GPR89B: variants seen among roughly 807,000 people sequenced by gnomAD.
GPR89B encodes the protein G protein-coupled receptor 89B.
A neutral mutation model predicts 52.4 loss-of-function variants in GPR89B; 25 were observed. That is an observed-to-expected ratio of 0.48 (90% CI 0.35 to 0.67). The LOEUF is 0.67. Among genes scored for constraint, GPR89B ranks in the 30% least tolerant of loss-of-function variants. The pLI, the probability that GPR89B is intolerant of heterozygous loss-of-function variation, is 0.01. For missense variants in GPR89B, 146 were observed against 450.2 expected (o/e 0.32, Z 6.11); for synonymous variants, 52 against 151.2 (o/e 0.34, Z 4.81).
the GPR89B span, among the ~76,000 whole-genome samples, chr1:148,018,404 G>T: frequency 7.1e-6 from 1 of 140,138 alleles, no homozygotes; most frequent in Non-Finnish European, 1.5e-5. Context: ...GGGCAACAAA[G>T]TGAGACTCCG....
chr1:147,974,971 G>A (rs1384576026), intron 10 of GPR89B, among the ~76,000 whole-genome samples: 2 of 151,900 alleles, frequency 1.3e-5, no homozygotes, highest in African/African-American at 4.9e-5. Context: ...GATGGATTAC[G>A]TTTATTGATT....
At chr1:147,928,706 G>A in intron 1 of GPR89B, 128 bp downstream of exon 1, 1 of 1,365,910 alleles carries the variant, frequency 7.3e-7, no homozygotes, top group Admixed American at 1.8e-5. Context: ...CAGTCACTCT[G>A]GCACACAGAG....
chr1:147,934,911 A>C (rs1653951504), intron 1 of GPR89B, among the ~76,000 whole-genome samples: 1 of 152,024 alleles, frequency 6.6e-6, no homozygotes, highest in African/African-American at 2.4e-5. Context: ...TTTTATGTAG[A>C]CCACTTAGCC....
At chr1:147,979,205 T>C (rs1168542822) in intron 10 of GPR89B, among the ~76,000 whole-genome samples, 1 of 152,016 alleles carries the variant, frequency 6.6e-6, no homozygotes, top group Non-Finnish European at 1.5e-5. Flanking sequence ...TGAGAGAACC[T>C]GGTTACCTCA....
chr1:148,005,656 G>T, the GPR89B span: 1 of 952,552 alleles, frequency 1.0e-6, no homozygotes, highest in South Asian at 1.6e-5. Flanking sequence ...CTAAGAACAT[G>T]TCAACCTTAA....
At chr1:147,971,030 A>G (rs1475176648) in intron 10 of GPR89B, among the ~76,000 whole-genome samples, 10 of 151,678 alleles carry the variant, frequency 6.6e-5, no homozygotes, top group South Asian at 4.2e-4. Flanking sequence ...ATTGATGTCA[A>G]TAATACTCAG....
intron 7 of GPR89B, among the ~76,000 whole-genome samples, chr1:147,956,798 C>T (rs1656149508): frequency 3.3e-5 from 5 of 151,194 alleles, no homozygotes; most frequent in East Asian, 3.9e-4. Context: ...AGTGCAGTGA[C>T]GTGATTTCAG....
intron 5 of GPR89B, among the ~76,000 whole-genome samples, chr1:147,948,661 C>G (rs1297618433): frequency 7.3e-5 from 11 of 151,682 alleles, no homozygotes; most frequent in Non-Finnish European, 1.2e-4. Context: ...GAACTCTGGT[C>G]CAGACAGAGC....
rs1659140562 is a variant in GPR89B, at chr1:147,992,470, C to T, written c.1096-32C>T. ...TTCGTGACACAGGAATCTAACAGTA[C>T]TGCATAAATTTATCTCCCTCTTTCT... On this transcript the variant is annotated intron_variant, in intron 12 of 13. Transcript: ENST00000314163. 5 of 1,609,880 alleles carry T rather than the reference C, an allele frequency of 3.1e-6. No homozygotes were observed. The Admixed American group carries it at 6.7e-5, about 21-fold the overall frequency.
At chr1:147,948,970 G>A (rs1215249406) in intron 5 of GPR89B, among the ~76,000 whole-genome samples, 2 of 151,966 alleles carry the variant, frequency 1.3e-5, no homozygotes, top group Non-Finnish European at 2.9e-5. Flanking sequence ...CTCTTAACGA[G>A]CATGCTGCCT....
intron 2 of GPR89B, among the ~76,000 whole-genome samples, chr1:147,937,838 T>C (rs1654219009): frequency 1.3e-5 from 2 of 152,218 alleles, no homozygotes; most frequent in Admixed American, 6.5e-5. Context: ...CACAGGGTAC[T>C]GAGGTGACAT....
At chr1:147,954,452 A>G (rs1163327652) in intron 7 of GPR89B, 50 bp downstream of exon 7, 2 of 196,450 alleles carry the variant, frequency 1.0e-5, no homozygotes, top group Admixed American at 6.2e-5. Context: ...TTTCTCAACA[A>G]GAAAATTTGA....
At chr1:147,989,555 A>G (rs1466275292) in intron 12 of GPR89B, among the ~76,000 whole-genome samples, 6 of 151,652 alleles carry the variant, frequency 4.0e-5, no homozygotes, top group African/African-American at 7.3e-5. Context: ...TACATTAGGT[A>G]TATCTCCTAA....
the GPR89B span, among the ~76,000 whole-genome samples, chr1:147,999,244 T>C: frequency 3.3e-5 from 5 of 151,968 alleles, no homozygotes; most frequent in South Asian, 4.1e-4. Flanking sequence ...GCAGCTTCAG[T>C]TGGTTCTTAA....
intron 1 of GPR89B, among the ~76,000 whole-genome samples, chr1:147,934,774 C>T (rs1450443066): frequency 6.6e-6 from 1 of 151,992 alleles, no homozygotes; most frequent in Admixed American, 6.6e-5. Context: ...TATGTACTGT[C>T]TTCACTATAT....
At chr1:147,944,768 G>T (rs1377879534) in intron 5 of GPR89B, among the ~76,000 whole-genome samples, 1 of 132,592 alleles carries the variant, frequency 7.5e-6, no homozygotes, top group East Asian at 2.2e-4. Context: ...CAGCTAACAA[G>T]TCCTTCCAGA....
At chr1:147,961,869 T>C (rs1199248598) in intron 7 of GPR89B, among the ~76,000 whole-genome samples, 2 of 151,912 alleles carry the variant, frequency 1.3e-5, no homozygotes, top group Non-Finnish European at 2.9e-5. Context: ...ATAGTAATGA[T>C]GTTAATTCTC....
the GPR89B span, among the ~76,000 whole-genome samples, chr1:148,016,751 T>G: frequency 6.6e-6 from 1 of 151,504 alleles, no homozygotes; most frequent in Non-Finnish European, 1.5e-5. Context: ...AGAAAGAAAA[T>G]AAATGCTTCC....
At chr1:148,025,553 A>T in the GPR89B span, among the ~76,000 whole-genome samples, 1 of 145,702 alleles carries the variant, frequency 6.9e-6, no homozygotes, top group East Asian at 2.0e-4. Flanking sequence ...AAAAAAAAAG[A>T]ATCTTAGGCT....
Sources: gnomAD v4.1 joint callset for allele counts (sites outside exome capture counted in the v4.1 genomes callset) on GRCh38, gnomAD v4.1.1 for gene constraint, MANE v1.5 for transcripts, NCBI Gene and HGNC (gene_info 2026-07-23, HGNC 2026-07-21) for gene names.